Variants in CFAP77 observed in about 807,000 individuals in gnomAD.
CFAP77 encodes cilia and flagella associated protein 77.
CFAP77 carries 25 observed loss-of-function variants against 31.1 expected under a neutral mutation model. That is an observed-to-expected ratio of 0.80 (90% CI 0.59 to 1.12). CFAP77 has a LOEUF of 1.12. Ranked by LOEUF, CFAP77 falls within the 50% of genes most tolerant of loss-of-function variation. The pLI is 0.00. For synonymous variants in CFAP77, 151 were observed against 159.9 expected (o/e 0.94, Z 0.42); for missense variants, 377 against 397.3 (o/e 0.95, Z 0.44).
In CFAP77 at chr9:132,481,962, G is replaced by C. The variant is rs908725452; in HGVS notation, c.196-16733G>C. Among the ~76,000 whole-genome samples, 58 of 87,356 alleles carry C rather than the reference G, an allele frequency of 6.6e-4. No homozygotes were observed. Among genetic ancestry groups the C allele is most frequent in the Non-Finnish European group, 9.6e-4 (40 of 41,728 alleles). The allele number at this position is 87,356 out of a possible 152,430, so 57.3% of individuals were successfully genotyped here. ...GGAAGGAACAAGGGTTTATGGTTGG[G>C]GGGGGGGGGGGCGGCGGAACACTGA... On this transcript the variant is annotated intron_variant, in intron 1 of 5. Transcript: ENST00000393216. This position sits in a 1 kb window ranked among gnomAD's most constrained non-coding sequence, Gnocchi z 5.0.
At chr9:132,437,579 G>A (rs538246812) in intron 1 of CFAP77, among the ~76,000 whole-genome samples, 2 of 142,114 alleles carry the variant, frequency 1.4e-5, no homozygotes, top group South Asian at 2.2e-4. Context: ...ACGCGATCTC[G>A]GCTCTCTGCA....
At chr9:132,457,354 AT>A (rs1238236101) in intron 1 of CFAP77, among the ~76,000 whole-genome samples, 1 of 152,080 alleles carries the variant, frequency 6.6e-6, no homozygotes, top group East Asian at 1.9e-4. Context: ...TTTCGCTATT[AT>A]TTTTCTCTGA....
At chr9:132,508,831 G>A (rs923478502) in intron 3 of CFAP77, among the ~76,000 whole-genome samples, 1 of 152,182 alleles carries the variant, frequency 6.6e-6, no homozygotes, top group Admixed American at 6.5e-5. Context: ...TGGGGAAACT[G>A]AGGCTCAGAG....
At chr9:132,494,061 G>A (rs962455529) in intron 1 of CFAP77, among the ~76,000 whole-genome samples, 12 of 152,058 alleles carry the variant, frequency 7.9e-5, no homozygotes, top group Admixed American at 5.2e-4. Context: ...ACAGGCACAC[G>A]CCACCATACC....
intron 1 of CFAP77, among the ~76,000 whole-genome samples, chr9:132,474,195 CTG>C (rs1851308894): frequency 6.6e-6 from 1 of 152,142 alleles, no homozygotes; most frequent in Admixed American, 6.5e-5. Context: ...ATTTTCCAAT[CTG>C]TATCTTTTTG....
chr9:132,480,701 G>C lies in CFAP77; in HGVS notation c.196-17994G>C, dbSNP rs1252834663. On this transcript the variant is annotated intron_variant, in intron 1 of 5. Transcript: ENST00000393216. The surrounding 1 kb of genome is among the most constrained non-coding windows in gnomAD (Gnocchi z 5.8). ...GTTTCTCACGGAGGCTACAGAGTCC[G>C]GGGGCTTCTCCAAGGTGGTGACATT... 1.3e-5 allele frequency among the ~76,000 whole-genome samples: 2 copies of C among 152,180 alleles called. No individual in the cohort carries two copies. The highest frequency in any genetic ancestry group is 2.4e-5 in the African/African-American group (1 of 41,446).
intron 5 of CFAP77, among the ~76,000 whole-genome samples, chr9:132,544,927 C>T (rs1852709527): frequency 6.6e-6 from 1 of 152,142 alleles, no homozygotes; most frequent in African/African-American, 2.4e-5. Context: ...TGACTCCCAG[C>T]CCCACTCAGC....
Position 132,536,391 on chromosome 9 carries a change from CTTT to C in CFAP77, c.525-1193_525-1191del, listed in dbSNP as rs35488775. Among the ~76,000 whole-genome samples the C allele has an allele frequency of 6.5e-5, 8 of 122,330 alleles. 1 individual carries two copies. The highest frequency in any genetic ancestry group is 8.9e-5 in the Admixed American group (1 of 11,290). The allele number at this position is 122,330 out of a possible 152,430, so 80.3% of individuals were successfully genotyped here. Reference sequence around the variant, plus strand: ...CTGCTGCAGATTGTGGCTCATAGTTCTTTTTTTTTTTTTTTTTTTGGAGACAGA... The same window carrying C: ...CTGCTGCAGATTGTGGCTCATAGTTCTTTTTTTTTTTTTTTTGGAGACAGA... On this transcript the variant is annotated intron_variant, in intron 3 of 5. Coordinates refer to ENST00000393216, the MANE Select transcript of CFAP77 (RefSeq NM_001282957.2).
At chr9:132,456,234 G>A (rs1182936960) in intron 1 of CFAP77, among the ~76,000 whole-genome samples, 1 of 152,190 alleles carries the variant, frequency 6.6e-6, no homozygotes, top group Admixed American at 6.5e-5. Context: ...GGTGGGGAAG[G>A]CAGCTCAGAA....
intron 1 of CFAP77, among the ~76,000 whole-genome samples, chr9:132,416,892 C>G (rs1015638986): frequency 6.6e-6 from 1 of 152,094 alleles, no homozygotes; most frequent in Non-Finnish European, 1.5e-5. Flanking sequence ...CCGCTTCAGC[C>G]TTCCAAAGTG....
intron 5 of CFAP77, among the ~76,000 whole-genome samples, chr9:132,544,782 C>T (rs1337476321): frequency 6.6e-6 from 1 of 152,192 alleles, no homozygotes. Context: ...AGGCATGAGT[C>T]ACCATGCTCA....
Position 132,498,973 on chromosome 9 carries a change from G to A in CFAP77, c.295+179G>A, listed in dbSNP as rs1851792325. Among the ~76,000 whole-genome samples the A allele has an allele frequency of 6.6e-6, 1 of 152,200 alleles. No individual in the cohort carries two copies. The highest frequency in any genetic ancestry group is 1.5e-5 in the Non-Finnish European group (1 of 68,030). ...CCAGGAAGTGGCCCAGATGGGGAGGGCCAAGCAGGGCCCTGGTGTGCGGTG... is the reference window on the plus strand; with the variant it reads ...CCAGGAAGTGGCCCAGATGGGGAGGACCAAGCAGGGCCCTGGTGTGCGGTG... On this transcript the variant is annotated intron_variant, in intron 2 of 5. Transcript: ENST00000393216. This position sits in a 1 kb window ranked among gnomAD's most constrained non-coding sequence, Gnocchi z 4.2.
rs868824063 is a variant in CFAP77 at position 132,430,043 on chromosome 9, G to A, written c.195+19577G>A. ...GAGCCCTCTTTTCTCTGGTACATGG[G>A]GTCTGCACTTGGCGTTCTCCTGGGC... On this transcript the variant is annotated intron_variant, in intron 1 of 5. Transcript: ENST00000393216. 3.7e-4 allele frequency among the ~76,000 whole-genome samples: 56 copies of A among 151,892 alleles called. 1 individual carries two copies. The highest frequency in any genetic ancestry group is 1.2e-3 in the African/African-American group (51 of 41,300).
intron 1 of CFAP77, among the ~76,000 whole-genome samples, chr9:132,474,319 G>A (rs924112112): frequency 6.6e-6 from 1 of 152,134 alleles, no homozygotes; most frequent in Non-Finnish European, 1.5e-5. Context: ...ACTTACGAAC[G>A]CCTCGGGACA....
chr9:132,462,959 A>G (rs1851084878), intron 1 of CFAP77, among the ~76,000 whole-genome samples: 1 of 152,222 alleles, frequency 6.6e-6, no homozygotes, highest in Non-Finnish European at 1.5e-5. Context: ...CCTGGCACAT[A>G]GTGGATGCTC....
chr9:132,473,736 C>T (rs10117848), intron 1 of CFAP77, among the ~76,000 whole-genome samples: 14,025 of 152,114 alleles, frequency 0.092, 1,585 homozygotes, highest in East Asian at 0.38. Flanking sequence ...CAGGCTGGAG[C>T]GCAATGGTGC....
chr9:132,532,897 CA>C lies in CFAP77; in HGVS notation c.525-4698del, dbSNP rs1441353253. Among the ~76,000 whole-genome samples the C allele has an allele frequency of 2.6e-5, 4 of 152,140 alleles. No individual in the cohort carries two copies. In the East Asian group the frequency reaches 7.7e-4, roughly 29 times the overall value. On this transcript the variant is annotated intron_variant, in intron 3 of 5. Transcript: ENST00000393216. Reference sequence around the variant, plus strand: ...GACCCATATCTCTACAAAAAATAAACAAAAAATTAGCCAGATATGGTGGCGC... The same window carrying C: ...GACCCATATCTCTACAAAAAATAAACAAAAATTAGCCAGATATGGTGGCGC...
intron 5 of CFAP77, among the ~76,000 whole-genome samples, chr9:132,563,865 A>G (rs1415695615): frequency 6.6e-6 from 1 of 152,186 alleles, no homozygotes; most frequent in Non-Finnish European, 1.5e-5. Context: ...GGTTGAGCAT[A>G]CTGTCCTGTT....
chr9:132,434,960 C>T (rs936794220), intron 1 of CFAP77, among the ~76,000 whole-genome samples: 33 of 152,176 alleles, frequency 2.2e-4, no homozygotes, highest in African/African-American at 7.0e-4. Context: ...CTTTCTGTGG[C>T]AGGATATTGA....
Sources: gnomAD v4.1 joint callset for allele counts (sites outside exome capture counted in the v4.1 genomes callset) on GRCh38, gnomAD v4.1.1 for gene constraint, Gnocchi (gnomAD v3.1) non-coding constraint, MANE v1.5 for transcripts, NCBI Gene and HGNC (gene_info 2026-07-23, HGNC 2026-07-21) for gene names.